PPARGC1A: variants seen among roughly 807,000 people sequenced by gnomAD.
PPARGC1A encodes PPARG coactivator 1 alpha.
Under a neutral mutation model 88.7 loss-of-function variants are expected in PPARGC1A, and 25 were observed. That is an observed-to-expected ratio of 0.28 (90% CI 0.21 to 0.39). PPARGC1A has a LOEUF of 0.39. Among genes scored for constraint, PPARGC1A ranks in the 10% least tolerant of loss-of-function variants. The probability of loss-of-function intolerance (pLI) is 1.00; values close to 1 mark genes in which losing one functional copy is unlikely to be tolerated. For missense variants in PPARGC1A, 880 were observed against 968.7 expected, an observed-to-expected ratio of 0.91 and a Z score of 1.22; for synonymous variants, 363 against 355.6, an observed-to-expected ratio of 1.02 and a Z score of -0.24.
At position 23,864,622 on chromosome 4, in the gene PPARGC1A, T is replaced by C. The variant is rs1423232621; in HGVS notation, c.234+20130A>G. Among the ~76,000 whole-genome samples the C allele has an allele frequency of 3.9e-5, 6 of 152,140 alleles. No individual in the cohort carries two copies. In the East Asian group the frequency reaches 1.2e-3, roughly 29 times the overall value. On this transcript the variant is annotated intron_variant, in intron 2 of 12. Coordinates refer to ENST00000264867, the MANE Select transcript of PPARGC1A (RefSeq NM_013261.5). ...GAGGAAAGTCTTTCGCAGCAGACTG[T>C]ACATGGAGAACAAAGGACAGATAGA...
the PPARGC1A span, among the ~76,000 whole-genome samples, chr4:24,310,719 G>A: frequency 2.0e-5 from 3 of 151,968 alleles, no homozygotes; most frequent in South Asian, 2.1e-4. Context: ...ACAAACAAAC[G>A]AAAAACACTC....
chr4:24,028,771 C>T, the PPARGC1A span, among the ~76,000 whole-genome samples: 1 of 152,200 alleles, frequency 6.6e-6, no homozygotes, highest in South Asian at 2.1e-4. Context: ...AAAATGCAAG[C>T]TGGTCTGTAT....
chr4:24,384,107 C>A, the PPARGC1A span, among the ~76,000 whole-genome samples: 1 of 152,090 alleles, frequency 6.6e-6, no homozygotes, highest in African/African-American at 2.4e-5. Flanking sequence ...GAATTTTCAA[C>A]CCAGAATTTC....
chr4:24,240,040 G>A, the PPARGC1A span, among the ~76,000 whole-genome samples: 1 of 152,140 alleles, frequency 6.6e-6, no homozygotes, highest in African/African-American at 2.4e-5. Context: ...AATGCAAGGT[G>A]TACTTTGCTC....
At chr4:24,337,253 G>A in the PPARGC1A span, among the ~76,000 whole-genome samples, 26 of 152,294 alleles carry the variant, frequency 1.7e-4, no homozygotes, top group African/African-American at 5.8e-4. Flanking sequence ...CCTGTGGAGG[G>A]TCACCAGCTT....
At chr4:24,162,819 C>A in the PPARGC1A span, among the ~76,000 whole-genome samples, 1 of 151,822 alleles carries the variant, frequency 6.6e-6, no homozygotes, top group Non-Finnish European at 1.5e-5. Context: ...GTCTCGCACC[C>A]CTGACCTCAG....
At chr4:24,427,282 A>ATTTTTTTT in the PPARGC1A span, among the ~76,000 whole-genome samples, 2 of 136,738 alleles carry the variant, frequency 1.5e-5, no homozygotes, top group African/African-American at 2.7e-5. Context: ...TTCTTTATTT[A>ATTTTTTTT]TTTTTTTTTT....
Position 23,812,855 on chromosome 4 carries a change from G to A in PPARGC1A, c.1911C>T (p.Tyr637=), listed in dbSNP as rs202088755. 91 of 1,613,796 alleles carry A rather than the reference G, an allele frequency of 5.6e-5. No individual in the cohort carries two copies. Among genetic ancestry groups the A allele is most frequent in the East Asian group, 2.7e-4 (12 of 44,860 alleles). ...TCAGCCTCTCGTGCTGATATTCCTC[G>A]TAGCTGTCATACCTGGGAAACATAA... ...PYSRRPRYDS[Y]EEYQHERLKR... is the part of the protein sequence containing the mutation. The change falls in exon 10 of 13, where the codon TAC becomes TAT. Residue 637 remains tyrosine, a synonymous_variant. Coordinates refer to ENST00000264867, the MANE Select transcript of PPARGC1A (RefSeq NM_013261.5).
At chr4:24,387,452 G>A in the PPARGC1A span, among the ~76,000 whole-genome samples, 4 of 152,032 alleles carry the variant, frequency 2.6e-5, no homozygotes, top group African/African-American at 7.2e-5. Flanking sequence ...CAGGTTGGGC[G>A]TGGTGGCTCA....
At chr4:23,814,697 T>A in intron 7 of PPARGC1A, 92 bp from the exon 8 acceptor site, 1 of 1,210,528 alleles carries the variant, frequency 8.3e-7, no homozygotes, top group Non-Finnish European at 1.1e-6. Context: ...TGTTTCTAAT[T>A]TTTCCAAGAT....
At chr4:24,354,755 C>T in the PPARGC1A span, among the ~76,000 whole-genome samples, 2 of 152,008 alleles carry the variant, frequency 1.3e-5, no homozygotes, top group Non-Finnish European at 2.9e-5. Context: ...GGCATGGTGG[C>T]AGGCGCCTGT....
the PPARGC1A span, among the ~76,000 whole-genome samples, chr4:24,274,670 C>T: frequency 2.0e-5 from 3 of 152,180 alleles, no homozygotes; most frequent in Non-Finnish European, 4.4e-5. Context: ...AAATTGGCAG[C>T]AGCTAGATTT....
the PPARGC1A span, among the ~76,000 whole-genome samples, chr4:23,915,891 T>C: frequency 6.6e-6 from 1 of 152,322 alleles, no homozygotes; most frequent in South Asian, 2.1e-4. Context: ...GTTCAGCTCC[T>C]AAGGCCACCA....
chr4:24,389,270 AT>A, the PPARGC1A span, among the ~76,000 whole-genome samples: 1 of 152,134 alleles, frequency 6.6e-6, no homozygotes, highest in African/African-American at 2.4e-5. Flanking sequence ...TTTCCCCAAC[AT>A]TTCCATGGAA....
At chr4:24,120,995 T>C in the PPARGC1A span, among the ~76,000 whole-genome samples, 11 of 152,334 alleles carry the variant, frequency 7.2e-5, no homozygotes, top group East Asian at 3.9e-4. Context: ...CTCTCTCCAA[T>C]AGCAACAAGC....
At chr4:23,891,552 C>A (rs778366749), upstream of PPARGC1A, among the ~76,000 whole-genome samples, 3 of 152,132 alleles carry the variant, frequency 2.0e-5, no homozygotes, top group Non-Finnish European at 4.4e-5. Context: ...AAAATACCAG[C>A]AGACTGCTGC....
At chr4:24,368,849 C>A in the PPARGC1A span, among the ~76,000 whole-genome samples, 1 of 152,058 alleles carries the variant, frequency 6.6e-6, no homozygotes, top group Non-Finnish European at 1.5e-5. Flanking sequence ...GGAGAGTGAA[C>A]GGGAGGGAGA....
At chr4:24,432,237 T>C in the PPARGC1A span, among the ~76,000 whole-genome samples, 1 of 152,144 alleles carries the variant, frequency 6.6e-6, no homozygotes, top group Non-Finnish European at 1.5e-5. Flanking sequence ...GGTGAAGACG[T>C]TGACCTTAAT....
chr4:23,910,081 G>A, the PPARGC1A span, among the ~76,000 whole-genome samples: 1 of 136,470 alleles, frequency 7.3e-6, no homozygotes, highest in Admixed American at 8.2e-5. Flanking sequence ...AATGAAAATA[G>A]GCATGTATAT....
Sources: gnomAD v4.1 joint callset for allele counts (sites outside exome capture counted in the v4.1 genomes callset) on GRCh38, gnomAD v4.1.1 for gene constraint, MANE v1.5 for transcripts, NCBI Gene and HGNC (gene_info 2026-07-23, HGNC 2026-07-21) for gene names.